The following RFX3 variants were observed in gnomAD, a reference collection of about 807,000 sequenced individuals.
The protein encoded by RFX3 is regulatory factor X3.
Under a neutral mutation model 98.6 loss-of-function variants are expected in RFX3, and 14 were observed. The observed-to-expected ratio is 0.14, with a 90% CI of 0.09 to 0.22. The LOEUF is 0.22. RFX3 is among the 10% of genes least tolerant of loss of function. RFX3 has a pLI of 1.00. For missense variants in RFX3, 639 were observed against 926.9 expected (o/e 0.69, Z 4.03); for synonymous variants, 383 against 328.4 (o/e 1.17, Z -1.80).
intron 1 of RFX3, among the ~76,000 whole-genome samples, chr9:3,462,072 C>T (rs967124782): frequency 6.6e-6 from 1 of 151,948 alleles, no homozygotes; most frequent in Admixed American, 6.5e-5. Context: ...TTCCCCAACT[C>T]ATTTTATGAG....
intron 16 of RFX3, among the ~76,000 whole-genome samples, chr9:3,225,682 G>C (rs1166102043): frequency 6.6e-6 from 1 of 152,052 alleles, no homozygotes; most frequent in African/African-American, 2.4e-5. Flanking sequence ...AAAAAGTGTT[G>C]TTTCCTCCAA....
In RFX3 at chr9:3,262,986, T is replaced by C. The variant is rs1563821891; in HGVS notation, c.1554A>G (p.Gln518=). 6.2e-7 allele frequency: 1 copy of C among 1,613,804 alleles called. No homozygotes were observed. Residue 518 remains glutamine, a synonymous_variant, in exon 13 of 17, where the codon CAA becomes CAG. Transcript: ENST00000617270. ...AARAVLQNTS[Q]INQMLSDLNR... is the part of the protein sequence containing the mutation. ...TGAGGTCACTAAGCATCTGGTTGAT[T>C]TGGGAAGTGTTCTGAAGCACTGCAC... is the stretch of plus-strand genomic sequence containing the variant.
At chr9:3,274,744 G>A (rs1824969244) in intron 9 of RFX3, among the ~76,000 whole-genome samples, 1 of 151,990 alleles carries the variant, frequency 6.6e-6, no homozygotes, top group Non-Finnish European at 1.5e-5. Context: ...CAGGTCTGTT[G>A]AAAAGTTGAG....
chr9:3,375,957 C>A (rs1838433759), intron 2 of RFX3, among the ~76,000 whole-genome samples: 2 of 150,130 alleles, frequency 1.3e-5, no homozygotes, highest in African/African-American at 4.9e-5. Flanking sequence ...GAGACTCCAT[C>A]TCCAAAAAAA....
chr9:3,324,174 CAG>C (rs1467507832), intron 4 of RFX3: 5 of 251,964 alleles, frequency 2.0e-5, no homozygotes, highest in African/African-American at 1.1e-4. Context: ...AATAAGTGGA[CAG>C]AGTCTTTTTT....
intron 4 of RFX3, among the ~76,000 whole-genome samples, chr9:3,302,676 T>C (rs189074502): frequency 2.4e-4 from 36 of 151,994 alleles, no homozygotes; most frequent in Non-Finnish European, 4.1e-4. Context: ...ACTTTGACTA[T>C]GGAAATTGAT....
At chr9:3,316,942 C>A (rs1830681410) in intron 4 of RFX3, among the ~76,000 whole-genome samples, 1 of 152,110 alleles carries the variant, frequency 6.6e-6, no homozygotes, top group South Asian at 2.1e-4. Context: ...GGCCATACTG[C>A]CCAAGGTAAT....
chr9:3,219,248 C>A lies in RFX3; in HGVS notation c.*5794G>T, dbSNP rs563823502. Reference sequence around the variant, plus strand: ...GTTTAGCAAGTTAAAACAAGGCGATCGTTTCTTCAAAAATACTAATTTACT... The same window carrying A: ...GTTTAGCAAGTTAAAACAAGGCGATAGTTTCTTCAAAAATACTAATTTACT... On this transcript the variant is annotated 3_prime_UTR_variant, in exon 17 of 17. Transcript: ENST00000617270. 6 of 152,168 alleles carry A rather than the reference C, an allele frequency of 3.9e-5. No individual in the cohort carries two copies. In the South Asian group the frequency reaches 1.0e-3, roughly 26 times the overall value. The allele number at this position is 152,168 out of a possible 1,614,324, so 9.4% of individuals were successfully genotyped here.
chr9:3,352,666 A>G (rs1835283200), intron 2 of RFX3, among the ~76,000 whole-genome samples: 1 of 152,088 alleles, frequency 6.6e-6, no homozygotes, highest in African/African-American at 2.4e-5. Flanking sequence ...TGAAACAAAT[A>G]GAAAACTTGA....
At chr9:3,524,450 T>C (rs1307848135) in intron 1 of RFX3, 12 of 904,484 alleles carry the variant, frequency 1.3e-5, no homozygotes, top group Non-Finnish European at 1.6e-5. Flanking sequence ...TGCCTAGATC[T>C]TAACCAGAAA....
intron 1 of RFX3, among the ~76,000 whole-genome samples, chr9:3,424,348 CTTTTTTTTTTT>C (rs748693786): frequency 2.5e-4 from 19 of 76,002 alleles, no homozygotes; most frequent in African/African-American, 7.8e-4. Flanking sequence ...ACATAATTGA[CTTTTTTTTTTT>C]TTTTTTTTTT....
At chr9:3,522,021 G>T (rs1818766945) in intron 1 of RFX3, among the ~76,000 whole-genome samples, 1 of 151,680 alleles carries the variant, frequency 6.6e-6, no homozygotes, top group African/African-American at 2.4e-5. Context: ...TACGAATCTT[G>T]AGTAGTTCAA....
intron 4 of RFX3, among the ~76,000 whole-genome samples, chr9:3,322,871 T>C (rs1239650150): frequency 2.0e-5 from 3 of 152,246 alleles, no homozygotes; most frequent in Admixed American, 1.3e-4. Context: ...TCCCTTTGAA[T>C]TTGTATTTCC....
chr9:3,319,787 A>C (rs1259300886), intron 4 of RFX3, among the ~76,000 whole-genome samples: 1 of 151,998 alleles, frequency 6.6e-6, no homozygotes, highest in East Asian at 1.9e-4. Flanking sequence ...AAGTCTTCAA[A>C]TTCACAGAAG....
chr9:3,507,022 T>G (rs2133792322), intron 1 of RFX3, among the ~76,000 whole-genome samples: 1 of 152,080 alleles, frequency 6.6e-6, no homozygotes, highest in East Asian at 1.9e-4. Flanking sequence ...AATCTGAAGC[T>G]TAAACAACTA....
intron 1 of RFX3, among the ~76,000 whole-genome samples, chr9:3,483,151 C>G (rs531533796): frequency 6.6e-6 from 1 of 152,268 alleles, no homozygotes; most frequent in East Asian, 1.9e-4. Context: ...CTACTACTCT[C>G]AGGGCTGAGC....
At chr9:3,315,670 C>T (rs554278815) in intron 4 of RFX3, among the ~76,000 whole-genome samples, 3 of 151,978 alleles carry the variant, frequency 2.0e-5, no homozygotes, top group South Asian at 4.2e-4. Context: ...CAGATAGATG[C>T]AATAAAAAAT....
At chr9:3,233,216 T>C (rs892738889) in intron 15 of RFX3, among the ~76,000 whole-genome samples, 3 of 152,108 alleles carry the variant, frequency 2.0e-5, no homozygotes, top group African/African-American at 7.2e-5. Flanking sequence ...GTCCATGAAG[T>C]ATAAGTGGGC....
intron 2 of RFX3, among the ~76,000 whole-genome samples, chr9:3,371,185 C>T (rs1403768408): frequency 6.6e-6 from 1 of 152,162 alleles, no homozygotes; most frequent in Admixed American, 6.5e-5. Flanking sequence ...TTATCATTTA[C>T]AGCGGCTTCC....
Sources: gnomAD v4.1 joint callset for allele counts (sites outside exome capture counted in the v4.1 genomes callset) on GRCh38, gnomAD v4.1.1 for gene constraint, MANE v1.5 for transcripts, NCBI Gene and HGNC (gene_info 2026-07-23, HGNC 2026-07-21) for gene names.